The following MYO9B variants were observed in gnomAD, a reference collection of about 807,000 sequenced individuals.
The protein encoded by MYO9B is unconventional myosin-IXb.
A neutral mutation model predicts 229.5 loss-of-function variants in MYO9B; 71 were observed. The ratio of observed to expected loss-of-function variants is 0.31; its 90% CI spans 0.26 to 0.38. MYO9B has a LOEUF of 0.38. Among genes scored for constraint, MYO9B ranks in the 10% least tolerant of loss-of-function variants. The probability of loss-of-function intolerance (pLI) is 1.00; values close to 1 mark genes in which losing one functional copy is unlikely to be tolerated. For synonymous variants in MYO9B, 1,185 were observed against 1,235.8 expected (o/e 0.96, Z 0.86); for missense variants, 2,255 against 2,920.5 (o/e 0.77, Z 5.25).
Position 17,202,221 on chromosome 19 carries a change from C to T in MYO9B, c.4754C>T (p.Thr1585Ile). The change falls in exon 28 of 40, where the codon ACC becomes ATC. Residue 1585 changes from threonine to isoleucine, a missense_variant. Thr to Ile is a moderately conservative substitution (Grantham distance 89, BLOSUM62 -1). Transcript: ENST00000682292. ...GCCACTGAGCGTGGCCAGAAGGACACCAACCTGGTCCTCAACCTCTTCCAG... is the reference window on the plus strand; with the variant it reads ...GCCACTGAGCGTGGCCAGAAGGACATCAACCTGGTCCTCAACCTCTTCCAG... ...NLATERGQKD[T>I]NLVLNLFQSL... 6.2e-7 allele frequency: 1 copy of T among 1,611,620 alleles called. No individual in the cohort carries two copies. The highest frequency in any genetic ancestry group is 8.5e-7 in the Non-Finnish European group (1 of 1,179,014).
Position 17,213,155 on chromosome 19 carries a change from G to C in MYO9B, c.*845G>C, listed in dbSNP as rs1353908574. ...TCAGACCTCCCTATAGGTCAACAGG[G>C]ACAACCTGGGGATCTCTGGAGCAGG... is the stretch of plus-strand genomic sequence containing the variant. On this transcript the variant is annotated 3_prime_UTR_variant, in exon 40 of 40. Transcript: ENST00000682292. 6.6e-6 allele frequency: 1 copy of C among 152,288 alleles called. No homozygotes were observed. Among genetic ancestry groups the C allele is most frequent in the African/African-American group, 2.4e-5 (1 of 41,470 alleles). 9.4% of individuals were successfully genotyped at this position (152,288 alleles called of 1,614,324 possible). A position where few individuals can be genotyped will look rare whatever the true frequency, so the allele number is the denominator to read the frequency against.
At chr19:17,144,202 C>G (rs1446165737) in intron 2 of MYO9B, among the ~76,000 whole-genome samples, 1 of 150,748 alleles carries the variant, frequency 6.6e-6, no homozygotes, top group African/African-American at 2.4e-5. Context: ...GGCAACAGAG[C>G]GAGACCCCAT....
chr19:17,084,535 A>G lies in MYO9B; in HGVS notation c.-59+8661A>G, dbSNP rs551136217. 4.0e-5 allele frequency among the ~76,000 whole-genome samples: 6 copies of G among 151,712 alleles called. No homozygotes were observed. In the South Asian group the frequency reaches 1.0e-3, roughly 26 times the overall value. On this transcript the variant is annotated intron_variant, in intron 1 of 39. Transcript: ENST00000682292. ...AGCATTTCCAGCCTCAACCTTCTTCATGTTGGTAGCATCCTCCCTGTCCCA... is the reference window on the plus strand; with the variant it reads ...AGCATTTCCAGCCTCAACCTTCTTCGTGTTGGTAGCATCCTCCCTGTCCCA...
chr19:17,109,620 G>T (rs1424597270), intron 2 of MYO9B, among the ~76,000 whole-genome samples: 1 of 152,174 alleles, frequency 6.6e-6, no homozygotes, highest in Admixed American at 6.5e-5. Context: ...GAAAATCAAG[G>T]TGTGGGCAGG....
In MYO9B at chr19:17,212,126, G is replaced by T; in HGVS notation, c.6290G>T (p.Arg2097Leu). The T allele has an allele frequency of 1.3e-6, 2 of 1,589,612 alleles. No homozygotes were observed. Among genetic ancestry groups the T allele is most frequent in the Admixed American group, 1.8e-5 (1 of 55,846 alleles). Reference protein sequence around the residue: ...AREAAAPVRRREPPARRPDQI... With the variant: ...AREAAAPVRRLEPPARRPDQI... ...GAGGCGGCTGCCCCAGTGCGGCGCC[G>T]GGAGCCACCTGCCCGCCGCCCGGAC... Residue 2097 changes from arginine (R) to leucine (L), a missense_variant, in exon 40 of 40, where the codon CGG becomes CTG. This residue lies in a region of MYO9B where 331 missense variants were observed against 332.5 expected (regional missense o/e 1.00). Coordinates refer to ENST00000682292, the MANE Select transcript of MYO9B (RefSeq NM_004145.4). This position sits in a 1 kb window ranked among gnomAD's most constrained non-coding sequence, Gnocchi z 5.4.
chr19:17,172,587 C>A lies in MYO9B; in HGVS notation c.1935+110C>A, dbSNP rs920743379. 9.4e-6 allele frequency: 14 copies of A among 1,496,608 alleles called. No homozygotes were observed. Among genetic ancestry groups the A allele is most frequent in the Non-Finnish European group, 1.3e-5 (14 of 1,106,140 alleles). The allele number at this position is 1,496,608 out of a possible 1,614,324, so 92.7% of individuals were successfully genotyped here. ...GGCGAGGTTCCAGGGTGCTCAGAAC[C>A]CACCGCGAATCCCCGGCTCCAATGT... On this transcript the variant is annotated intron_variant, in intron 12 of 39. Transcript: ENST00000682292. The surrounding 1 kb of genome is among the most constrained non-coding windows in gnomAD (Gnocchi z 8.2).
At chr19:17,176,683 A>G (rs2072793357) in intron 14 of MYO9B, among the ~76,000 whole-genome samples, 4 of 152,294 alleles carry the variant, frequency 2.6e-5, no homozygotes, top group Non-Finnish European at 5.9e-5. Context: ...GGTAGAGCCC[A>G]AGCATCGATG....
At chr19:17,198,437 G>GTAGAAACTGAA (rs1407779438) in intron 24 of MYO9B, 129 bp downstream of exon 24, 1 of 1,318,072 alleles carries the variant, frequency 7.6e-7, no homozygotes, top group African/African-American at 1.5e-5. Flanking sequence ...CATTTGCTCA[G>GTAGAAACTGAA]TAGAAACTGA....
chr19:17,117,954 A>AAAAGAAAAG (rs2057922633), intron 2 of MYO9B, among the ~76,000 whole-genome samples: 1 of 151,316 alleles, frequency 6.6e-6, no homozygotes, highest in African/African-American at 2.4e-5. Flanking sequence ...AAAAAAAAAA[A>AAAAGAAAAG]AAAGAAAAGA....
intron 7 of MYO9B, among the ~76,000 whole-genome samples, chr19:17,158,059 A>G (rs905765642): frequency 1.6e-4 from 25 of 152,152 alleles, no homozygotes; most frequent in African/African-American, 5.8e-4. Flanking sequence ...TGCTAGGTAG[A>G]GGCCATGGAT....
chr19:17,149,134 C>G (rs1285794315), intron 3 of MYO9B, among the ~76,000 whole-genome samples: 2 of 152,028 alleles, frequency 1.3e-5, no homozygotes, highest in African/African-American at 4.8e-5. Context: ...ACCCCCACAC[C>G]TGGCTAATTT....
At chr19:17,094,020 TG>T (rs1158155606) in intron 1 of MYO9B, among the ~76,000 whole-genome samples, 3 of 29,998 alleles carry the variant, frequency 1.0e-4, no homozygotes, top group African/African-American at 3.6e-4. Flanking sequence ...CTGGCTTTGT[TG>T]TTGTTGTTGT....
intron 1 of MYO9B, among the ~76,000 whole-genome samples, chr19:17,080,051 G>A (rs989990183): frequency 2.0e-5 from 3 of 152,176 alleles, no homozygotes; most frequent in East Asian, 1.9e-4. Context: ...TTTCCTCAGC[G>A]AGACTTTCTG....
At chr19:17,161,128 A>G (rs1465358340) in intron 8 of MYO9B, among the ~76,000 whole-genome samples, 1 of 152,106 alleles carries the variant, frequency 6.6e-6, no homozygotes, top group East Asian at 1.9e-4. Flanking sequence ...ACACGGTGAC[A>G]GCCACATGGT....
At chr19:17,115,096 C>T (rs902696306) in intron 2 of MYO9B, among the ~76,000 whole-genome samples, 5 of 152,058 alleles carry the variant, frequency 3.3e-5, no homozygotes, top group African/African-American at 1.2e-4. Context: ...TCAAGTGAGC[C>T]TCCTGCCTCA....
chr19:17,179,970 C>T (rs564240831), intron 14 of MYO9B, among the ~76,000 whole-genome samples: 9 of 151,720 alleles, frequency 5.9e-5, no homozygotes, highest in East Asian at 3.9e-4. Context: ...CGCGGTGGCT[C>T]ACACCTGTAA....
intron 2 of MYO9B, among the ~76,000 whole-genome samples, chr19:17,106,030 T>A (rs992085965): frequency 1.4e-5 from 2 of 143,740 alleles, no homozygotes; most frequent in Non-Finnish European, 3.0e-5. Context: ...CTTGTCAGGG[T>A]CTCTCTCCGT....
chr19:17,188,945 C>G (rs1379649634), intron 19 of MYO9B, among the ~76,000 whole-genome samples: 2 of 149,500 alleles, frequency 1.3e-5, no homozygotes, highest in East Asian at 2.0e-4. Flanking sequence ...ATCAGGAGTT[C>G]GTTACCAGCC....
chr19:17,182,168 C>T (rs898313936), intron 15 of MYO9B, among the ~76,000 whole-genome samples: 28 of 151,896 alleles, frequency 1.8e-4, no homozygotes, highest in African/African-American at 6.8e-4. Context: ...CAGGTTCGAC[C>T]TTCTGGGCTC....
Sources: allele counts gnomAD v4.1 joint callset (sites outside exome capture counted in the v4.1 genomes callset), GRCh38; gene constraint gnomAD v4.1.1; regional missense constraint gnomAD v4.1.1; non-coding constraint Gnocchi (gnomAD v3.1); transcripts MANE v1.5; gene names NCBI Gene and HGNC (gene_info 2026-07-23, HGNC 2026-07-21).